The following BTNL9 variants were observed in gnomAD, a reference collection of about 807,000 sequenced individuals.
BTNL9 encodes the protein butyrophilin-like protein 9.
In BTNL9, 45 loss-of-function variants were observed where a neutral mutation model predicts 45.8. That is an observed-to-expected ratio of 0.98 (90% CI 0.77 to 1.26). The LOEUF (loss-of-function observed/expected upper bound fraction) is 1.26. Among genes scored for constraint, BTNL9 ranks in the 50% most tolerant of loss-of-function variants. The probability of loss-of-function intolerance (pLI) is 0.00; values close to 1 mark genes in which losing one functional copy is unlikely to be tolerated. For synonymous variants in BTNL9, 346 were observed against 330.8 expected (o/e 1.05, Z -0.50); for missense variants, 784 against 729.7 (o/e 1.07, Z -0.86).
Position 181,059,786 on chromosome 5 carries a change from G to A in BTNL9, c.1532G>A (p.Gly511Asp). The A allele has an allele frequency of 1.9e-6, 3 of 1,605,928 alleles. No individual in the cohort carries two copies. The highest frequency in any genetic ancestry group is 2.5e-6 in the Non-Finnish European group (3 of 1,179,014). The change falls in exon 11 of 11, where the codon GGC becomes GAC. Residue 511 changes from glycine (G) to aspartate (D), a missense_variant. Transcript: ENST00000327705. Reference protein sequence around the residue: ...TICPLPVRGTGVPEENDSDTW... With the variant: ...TICPLPVRGTDVPEENDSDTW... ...TGCCCGCTGCCGGTTAGAGGGACGGGCGTCCCCGAAGAGAACGACAGTGAC... is the reference window on the plus strand; with the variant it reads ...TGCCCGCTGCCGGTTAGAGGGACGGACGTCCCCGAAGAGAACGACAGTGAC...
At chr5:181,048,887 TA>T (rs1561979180) in intron 3 of BTNL9, among the ~76,000 whole-genome samples, 1 of 135,762 alleles carries the variant, frequency 7.4e-6, no homozygotes, top group Non-Finnish European at 1.6e-5. Context: ...TAATATATCA[TA>T]TATATGATAT....
rs1582157385 is a variant in BTNL9 at position 181,060,222 on chromosome 5, A to G, written c.*360A>G. 1 of 232,234 alleles carries G rather than the reference A, an allele frequency of 4.3e-6. No homozygotes were observed. The highest frequency in any genetic ancestry group is 8.6e-5 in the East Asian group (1 of 11,660). 14.4% of individuals were successfully genotyped at this position (232,234 alleles called of 1,614,324 possible). ...GGGATCAGTTAATTTGTATAGTTTT[A>G]TATTTTTTGTATATGTTTGCTAGCT... is the stretch of plus-strand genomic sequence containing the variant. On this transcript the variant is annotated 3_prime_UTR_variant, in exon 11 of 11. Transcript: ENST00000327705.
In BTNL9 at chr5:181,053,360, C is replaced by T. The variant is rs1761681531; in HGVS notation, c.853+44C>T. On this transcript the variant is annotated intron_variant, in intron 5 of 10. Transcript: ENST00000327705. The surrounding 1 kb of genome is among the most constrained non-coding windows in gnomAD (Gnocchi z 6.5). ...GGGCGGGGAGGGGCACCGGCCGGTG[C>T]TGAACCCCGGGGCCGCGGAGGCGCC... The T allele has an allele frequency of 6.6e-6, 10 of 1,524,570 alleles. No homozygotes were observed. The Admixed American group carries it at 1.9e-4, about 28-fold the overall frequency. The allele number at this position is 1,524,570 out of a possible 1,614,324, so 94.4% of individuals were successfully genotyped here.
chr5:181,059,773 G>A lies in BTNL9; in HGVS notation c.1519G>A (p.Val507Ile). The A allele has an allele frequency of 6.2e-7, 1 of 1,610,708 alleles. No homozygotes were observed. The highest frequency in any genetic ancestry group is 1.6e-4 in the Middle Eastern group (1 of 6,062). Reference sequence around the variant, plus strand: ...TCCCCTGACCATCTGCCCGCTGCCGGTTAGAGGGACGGGCGTCCCCGAAGA... The same window carrying A: ...TCCCCTGACCATCTGCCCGCTGCCGATTAGAGGGACGGGCGTCCCCGAAGA... ...PDPLTICPLP[V>I]RGTGVPEEND... Residue 507 changes from valine (V) to isoleucine (I), a missense_variant, in exon 11 of 11, where the codon GTT becomes ATT. By Grantham distance (29) the Val-to-Ile change is conservative (BLOSUM62 3). Coordinates refer to ENST00000327705, the MANE Select transcript of BTNL9 (RefSeq NM_152547.5).
chr5:181,056,560 C>T, intron 9 of BTNL9: 1 of 717,556 alleles, frequency 1.4e-6, no homozygotes, highest in Non-Finnish European at 2.6e-6. Context: ...TAGCCAGCCA[C>T]CCTCCTGGAG....
chr5:181,047,898 C>T, intron 2 of BTNL9, 29 bp from the exon 3 acceptor site: 1 of 1,588,116 alleles, frequency 6.3e-7, no homozygotes, highest in Non-Finnish European at 8.6e-7. Context: ...ATGAGGGTTG[C>T]TTTTGCCTGT....
intron 1 of BTNL9, among the ~76,000 whole-genome samples, chr5:181,041,501 C>A (rs1232430450): frequency 6.6e-6 from 1 of 152,198 alleles, no homozygotes; most frequent in African/African-American, 2.4e-5. Context: ...TTTCTCCATT[C>A]TTGCTTTGCT....
At chr5:181,048,863 TTA>T (rs1761372418) in intron 3 of BTNL9, among the ~76,000 whole-genome samples, 1 of 114,094 alleles carries the variant, frequency 8.8e-6, no homozygotes, top group South Asian at 2.5e-4. Context: ...TATTATATAA[TTA>T]TATTAGTTAT....
At chr5:181,044,997 G>T (rs1761013696) in intron 1 of BTNL9, among the ~76,000 whole-genome samples, 1 of 152,222 alleles carries the variant, frequency 6.6e-6, no homozygotes, top group Admixed American at 6.5e-5. Flanking sequence ...CCTCTGTTTT[G>T]CGGACTCGAT....
rs751114320 is a variant in BTNL9, at chr5:181,056,024, A to G, written c.955+9A>G. 2 of 1,614,040 alleles carry G rather than the reference A, an allele frequency of 1.2e-6. No homozygotes were observed. Among genetic ancestry groups the G allele is most frequent in the East Asian group, 2.2e-5 (1 of 44,878 alleles). ...GGCTGAAGGCCAGGCTGGTGAGTGG[A>G]ACCCATCTCTCTCTGACTCCTCCTC... On this transcript the variant is annotated intron_variant, in intron 9 of 10. Coordinates refer to ENST00000327705, the MANE Select transcript of BTNL9 (RefSeq NM_152547.5).
chr5:181,053,524 G>C lies in BTNL9; in HGVS notation c.886+23G>C. On this transcript the variant is annotated intron_variant, in intron 6 of 10. Coordinates refer to ENST00000327705, the MANE Select transcript of BTNL9 (RefSeq NM_152547.5). The surrounding 1 kb of genome is among the most constrained non-coding windows in gnomAD (Gnocchi z 6.5). ...AAGGTGAGCGGGGACAGGGCGTTCT[G>C]CACGCACCTGCCCAAGTGCCAAAAC... 1 of 1,566,372 alleles carries C rather than the reference G, an allele frequency of 6.4e-7. No individual in the cohort carries two copies. The highest frequency in any genetic ancestry group is 8.7e-7 in the Non-Finnish European group (1 of 1,155,238).
At position 181,055,134 on chromosome 5, in the gene BTNL9, A is replaced by G. The variant is rs1311829638; in HGVS notation, c.908-299A>G. 6.8e-6 allele frequency: 8 copies of G among 1,179,604 alleles called. No individual in the cohort carries two copies. The highest frequency in any genetic ancestry group is 2.1e-6 in the Non-Finnish European group (2 of 952,778). The allele number at this position is 1,179,604 out of a possible 1,614,324, so 73.1% of individuals were successfully genotyped here. On this transcript the variant is annotated intron_variant, in intron 7 of 10. Transcript: ENST00000327705. This position sits in a 1 kb window ranked among gnomAD's most constrained non-coding sequence, Gnocchi z 4.4. ...TCCGCCCCAGGAAGCTTGTGATTTC[A>G]GGCAGAAGGAACAACCCCAACCCTG...
rs1456586889 is a variant in BTNL9, at chr5:181,059,652, C to G, written c.1398C>G (p.Ser466=). 7 of 1,613,534 alleles carry G rather than the reference C, an allele frequency of 4.3e-6. No individual in the cohort carries two copies. The highest frequency in any genetic ancestry group is 5.9e-6 in the Non-Finnish European group (7 of 1,179,944). ...EAGELSFFNV[S]DGSHIFTFHD... is the part of the protein sequence containing the mutation. ...GAGAGCTGTCCTTCTTCAACGTGTCCGACGGCTCCCACATCTTCACCTTCC... is the reference window on the plus strand; with the variant it reads ...GAGAGCTGTCCTTCTTCAACGTGTCGGACGGCTCCCACATCTTCACCTTCC... Residue 466 remains serine, a synonymous_variant, in exon 11 of 11, where the codon TCC becomes TCG. Coordinates refer to ENST00000327705, the MANE Select transcript of BTNL9 (RefSeq NM_152547.5).
In BTNL9 at chr5:181,055,914, G is replaced by A. The variant is rs753119104; in HGVS notation, c.929-75G>A. The A allele has an allele frequency of 8.9e-6, 14 of 1,570,046 alleles. No homozygotes were observed. Among genetic ancestry groups the A allele is most frequent in the Non-Finnish European group, 1.2e-5 (14 of 1,139,986 alleles). On this transcript the variant is annotated intron_variant, in intron 8 of 10. Transcript: ENST00000327705. This position sits in a 1 kb window ranked among gnomAD's most constrained non-coding sequence, Gnocchi z 4.4. ...GTGGGGGGTGCGGGACAGGGTGGGT[G>A]CAAGATGTGATGTGTGAGCAGGGAA...
In BTNL9 at chr5:181,059,595, G is replaced by A. The variant is rs752376469; in HGVS notation, c.1341G>A (p.Arg447=). Reference sequence around the variant, plus strand: ...CGCTCACCCTGCGCGTGCCCCCGCGGCGCCTGGGCGTCTTCCTGGACTACG... The same window carrying A: ...CGCTCACCCTGCGCGTGCCCCCGCGACGCCTGGGCGTCTTCCTGGACTACG... ...RVALTLRVPP[R]RLGVFLDYEA... is the part of the protein sequence containing the mutation. Residue 447 remains arginine, a synonymous_variant, in exon 11 of 11, where the codon CGG becomes CGA. Transcript: ENST00000327705. 6.2e-7 allele frequency: 1 copy of A among 1,613,164 alleles called. No homozygotes were observed. The highest frequency in any genetic ancestry group is 1.7e-5 in the Admixed American group (1 of 60,020).
Position 181,054,233 on chromosome 5 carries a change from C to A in BTNL9, c.887-6C>A. The stretch of plus-strand genomic sequence containing the variant: ...TTCTTCATCTTTTTTTTTTTTTTTT[C>A]TCTAGAGAAACTCACTGCAGAGCTG... On this transcript the variant is annotated splice_polypyrimidine_tract_variant and splice_region_variant and intron_variant, in intron 6 of 10. Transcript: ENST00000327705. 19 of 1,264,506 alleles carry A rather than the reference C, an allele frequency of 1.5e-5. No individual in the cohort carries two copies. The highest frequency in any genetic ancestry group is 5.6e-5 in the East Asian group (2 of 35,954). 78.3% of individuals were successfully genotyped at this position (1,264,506 alleles called of 1,614,324 possible). A position where few individuals can be genotyped will look rare whatever the true frequency, so the allele number is the denominator to read the frequency against.
rs1364639951 is a variant in BTNL9 at position 181,050,120 on chromosome 5, G to A, written c.487G>A (p.Gly163Ser). 6.2e-7 allele frequency: 1 copy of A among 1,613,978 alleles called. No homozygotes were observed. The highest frequency in any genetic ancestry group is 8.5e-7 in the Non-Finnish European group (1 of 1,180,028). The change falls in exon 4 of 11, where the codon GGC becomes AGC. Residue 163 changes from glycine (G) to serine (S), a missense_variant. Physicochemically the swap from Gly to Ser is moderately conservative, Grantham distance 56. Coordinates refer to ENST00000327705, the MANE Select transcript of BTNL9 (RefSeq NM_152547.5). This position sits in a 1 kb window ranked among gnomAD's most constrained non-coding sequence, Gnocchi z 4.9. ...LGSDPHLSLE[G>S]FKEGGIQLRL... ...CTCAGACCCTCACCTCTCCCTTGAG[G>A]GCTTCAAGGAAGGAGGCATTCAGCT...
rs1021796018 is a variant in BTNL9, at chr5:181,060,853, C to G, written c.*991C>G. 2 of 152,296 alleles carry G rather than the reference C, an allele frequency of 1.3e-5. No individual in the cohort carries two copies. The highest frequency in any genetic ancestry group is 2.9e-5 in the Non-Finnish European group (2 of 68,126). The allele number at this position is 152,296 out of a possible 1,614,324, so 9.4% of individuals were successfully genotyped here. A position where few individuals can be genotyped will look rare whatever the true frequency, so the allele number is the denominator to read the frequency against. ...AAGAAGTGTTCTTCACCCCCTACCC[C>G]CAAGACATTGTCTCTGTCGGCCAGG... On this transcript the variant is annotated 3_prime_UTR_variant, in exon 11 of 11. Coordinates refer to ENST00000327705, the MANE Select transcript of BTNL9 (RefSeq NM_152547.5).
At position 181,050,104 on chromosome 5, in the gene BTNL9, TCAC is replaced by T. The variant is rs1761453155; in HGVS notation, c.473_475del (p.His158del). 1 of 1,613,808 alleles carries T rather than the reference TCAC, an allele frequency of 6.2e-7. No homozygotes were observed. Among genetic ancestry groups the T allele is most frequent in the African/African-American group, 1.3e-5 (1 of 75,048 alleles). On this transcript the variant is annotated inframe_deletion, in exon 4 of 11. Transcript: ENST00000327705. The surrounding 1 kb of genome is among the most constrained non-coding windows in gnomAD (Gnocchi z 4.9). Reference sequence around the variant, plus strand: ...CTCCACCAGGGCTGGGCTCAGACCCTCACCTCTCCCTTGAGGGCTTCAAGGAAG... The same window carrying T: ...CTCCACCAGGGCTGGGCTCAGACCCTCTCTCCCTTGAGGGCTTCAAGGAAG...
Sources: allele counts gnomAD v4.1 joint callset (sites outside exome capture counted in the v4.1 genomes callset), GRCh38; gene constraint gnomAD v4.1.1; non-coding constraint Gnocchi (gnomAD v3.1); transcripts MANE v1.5; gene names NCBI Gene and HGNC (gene_info 2026-07-23, HGNC 2026-07-21).